The following RAB28 variants were observed in gnomAD, a reference collection of about 807,000 sequenced individuals.
The protein encoded by RAB28 is ras-related protein Rab-28.
Under a neutral mutation model 31.7 loss-of-function variants are expected in RAB28, and 24 were observed. The ratio of observed to expected loss-of-function variants is 0.76; its 90% CI spans 0.55 to 1.06. The LOEUF (loss-of-function observed/expected upper bound fraction) is 1.06, where lower values mean the gene tolerates loss of function less well. Ranked by LOEUF, RAB28 falls within the 50% of genes least tolerant of loss-of-function variation. RAB28 has a pLI of 0.00. For missense variants in RAB28, 254 were observed against 258.5 expected (o/e 0.98, Z 0.12); for synonymous variants, 100 against 90.4 (o/e 1.11, Z -0.60).
intron 4 of RAB28, among the ~76,000 whole-genome samples, chr4:13,416,571 T>C (rs1712792990): frequency 6.6e-6 from 1 of 152,154 alleles, no homozygotes; most frequent in African/African-American, 2.4e-5. Context: ...AACAATATAA[T>C]GGATGATTCC....
intron 5 of RAB28, among the ~76,000 whole-genome samples, chr4:13,381,162 TCTC>T (rs1729112188): frequency 6.6e-6 from 1 of 151,868 alleles, no homozygotes; most frequent in South Asian, 2.1e-4. Flanking sequence ...ATGAATGCCA[TCTC>T]CTAGCCACAG....
chr4:13,378,064 A>G (rs1728990781), intron 5 of RAB28, among the ~76,000 whole-genome samples: 1 of 152,188 alleles, frequency 6.6e-6, no homozygotes, highest in South Asian at 2.1e-4. Flanking sequence ...AGTTGGATAT[A>G]AGAGTCTACA....
chr4:13,481,821 G>C lies in RAB28; in HGVS notation c.75+2255C>G, dbSNP rs574223394. On this transcript the variant is annotated intron_variant, in intron 1 of 6. Coordinates refer to ENST00000330852, the MANE Select transcript of RAB28 (RefSeq NM_001017979.3). The stretch of plus-strand genomic sequence containing the variant: ...AAAATGCTCAGAGTTAGATTGAGCA[G>C]GAAAAACAAATGCCAGGAAAAAAGA... Among the ~76,000 whole-genome samples the C allele has an allele frequency of 5.9e-5, 9 of 152,026 alleles. No individual in the cohort carries two copies. The South Asian group carries it at 1.9e-3, about 32-fold the overall frequency.
chr4:13,368,879 A>C (rs370826852), intron 6 of RAB28, among the ~76,000 whole-genome samples: 16 of 152,034 alleles, frequency 1.1e-4, no homozygotes, highest in African/African-American at 3.6e-4. Context: ...TGGTTTTATG[A>C]CATTAACTTG....
At chr4:13,415,454 C>T (rs904466654) in intron 4 of RAB28, among the ~76,000 whole-genome samples, 2 of 152,156 alleles carry the variant, frequency 1.3e-5, no homozygotes, top group African/African-American at 4.8e-5. Flanking sequence ...AGTGCAAGTT[C>T]AGGGTGAGTG....
chr4:13,456,280 C>T (rs1715294339), intron 4 of RAB28, among the ~76,000 whole-genome samples: 1 of 152,152 alleles, frequency 6.6e-6, no homozygotes, highest in Non-Finnish European at 1.5e-5. Context: ...TAAACATTTT[C>T]TCCAGGAAAG....
chr4:13,462,322 T>C lies in RAB28; in HGVS notation c.262-1494A>G, dbSNP rs561650717. Among the ~76,000 whole-genome samples the C allele has an allele frequency of 3.5e-3, 533 of 152,312 alleles. 8 individuals are homozygous for C. Among genetic ancestry groups the C allele is most frequent in the Admixed American group, 6.0e-3 (92 of 15,286 alleles). The stretch of plus-strand genomic sequence containing the variant: ...TGAACAGAGTTGGGGAGGTCACCAT[T>C]ATAAAACATTTCCACCATATAGATA... On this transcript the variant is annotated intron_variant, in intron 3 of 6. Coordinates refer to ENST00000330852, the MANE Select transcript of RAB28 (RefSeq NM_001017979.3).
At chr4:13,371,495 C>G (rs1728711561) in intron 6 of RAB28, 1 of 985,230 alleles carries the variant, frequency 1.0e-6, no homozygotes, top group African/African-American at 1.7e-5. Context: ...ACATTTTGGT[C>G]CAAGTACTGA....
chr4:13,435,393 G>A (rs1313635203), intron 4 of RAB28, among the ~76,000 whole-genome samples: 5 of 151,804 alleles, frequency 3.3e-5, no homozygotes, highest in African/African-American at 1.2e-4. Flanking sequence ...ATAACTAAAT[G>A]GAATTGAGAC....
chr4:13,465,941 T>C (rs891463723), intron 3 of RAB28, among the ~76,000 whole-genome samples: 1 of 151,902 alleles, frequency 6.6e-6, no homozygotes, highest in Non-Finnish European at 1.5e-5. Context: ...AATTGATTTT[T>C]CAACAACAGA....
chr4:13,380,493 G>T (rs1729084923), intron 5 of RAB28, among the ~76,000 whole-genome samples: 1 of 152,038 alleles, frequency 6.6e-6, no homozygotes, highest in Admixed American at 6.6e-5. Context: ...AAAGCAGAAA[G>T]TGAATAACTA....
At chr4:13,455,527 T>A (rs1049221996) in intron 4 of RAB28, among the ~76,000 whole-genome samples, 1 of 152,008 alleles carries the variant, frequency 6.6e-6, no homozygotes, top group Non-Finnish European at 1.5e-5. Flanking sequence ...GCTGGAGAGG[T>A]CCAAATGCTA....
intron 4 of RAB28, among the ~76,000 whole-genome samples, chr4:13,399,359 A>G (rs549954002): frequency 1.5e-4 from 23 of 152,392 alleles, no homozygotes; most frequent in South Asian, 2.1e-4. Flanking sequence ...ATTGATGAAC[A>G]CAAGTTGTTC....
chr4:13,447,448 A>G (rs774476421), intron 4 of RAB28, among the ~76,000 whole-genome samples: 12 of 152,098 alleles, frequency 7.9e-5, no homozygotes, highest in Non-Finnish European at 1.3e-4. Context: ...GAACCTTGGG[A>G]TAATAAATTT....
intron 4 of RAB28, among the ~76,000 whole-genome samples, chr4:13,457,957 T>G (rs1204551480): frequency 1.3e-5 from 2 of 152,074 alleles, no homozygotes; most frequent in African/African-American, 4.8e-5. Context: ...ATGCAAAACC[T>G]CCAATAAAGC....
intron 4 of RAB28, among the ~76,000 whole-genome samples, chr4:13,414,742 A>G (rs1010633568): frequency 6.6e-6 from 1 of 152,238 alleles, no homozygotes; most frequent in Non-Finnish European, 1.5e-5. Flanking sequence ...TGCTGTGACA[A>G]AAAAAGTTTA....
At chr4:13,463,192 G>C (rs1303508151) in intron 3 of RAB28, among the ~76,000 whole-genome samples, 5 of 152,054 alleles carry the variant, frequency 3.3e-5, no homozygotes, top group African/African-American at 1.2e-4. Flanking sequence ...TAAAGCCTAG[G>C]CCTATGCCTC....
intron 4 of RAB28, among the ~76,000 whole-genome samples, chr4:13,456,019 T>G (rs1009856662): frequency 9.2e-5 from 14 of 152,358 alleles, no homozygotes; most frequent in African/African-American, 3.1e-4. Flanking sequence ...CAAAGAAATT[T>G]TTTTTTAATT....
chr4:13,426,403 A>C (rs1291295610), intron 4 of RAB28, among the ~76,000 whole-genome samples: 2 of 152,278 alleles, frequency 1.3e-5, no homozygotes, highest in African/African-American at 2.4e-5. Context: ...AGAATTACGA[A>C]GAAAAAAAAA....
Sources: allele counts gnomAD v4.1 joint callset (sites outside exome capture counted in the v4.1 genomes callset), GRCh38; gene constraint gnomAD v4.1.1; transcripts MANE v1.5; gene names NCBI Gene and HGNC (gene_info 2026-07-23, HGNC 2026-07-21).